SLC38A4: variants seen among roughly 807,000 people sequenced by gnomAD.
The protein encoded by SLC38A4 is sodium-coupled neutral amino acid transporter 4.
SLC38A4 carries 20 observed loss-of-function variants against 63.1 expected under a neutral mutation model. That is an observed-to-expected ratio of 0.32 (90% CI 0.22 to 0.46). The LOEUF is 0.46. SLC38A4 is among the 20% of genes least tolerant of loss of function. The pLI is 1.00. For missense variants in SLC38A4, 526 were observed against 663.6 expected (o/e 0.79, Z 2.28); for synonymous variants, 230 against 225.5 (o/e 1.02, Z -0.18).
upstream of SLC38A4, among the ~76,000 whole-genome samples, chr12:46,827,318 G>T (rs754065829): frequency 6.6e-6 from 1 of 152,070 alleles, no homozygotes; most frequent in African/African-American, 2.4e-5. Context: ...TAATGCTTTG[G>T]GTGGTAGAAG....
chr12:46,815,450 G>T (rs1430983467), intron 1 of SLC38A4, among the ~76,000 whole-genome samples: 1 of 150,284 alleles, frequency 6.7e-6, no homozygotes, highest in East Asian at 2.0e-4. Context: ...TTTTATTTTT[G>T]CACAGAGCAG....
At chr12:46,782,870 T>C (rs1348590489) in intron 7 of SLC38A4, among the ~76,000 whole-genome samples, 2 of 148,940 alleles carry the variant, frequency 1.3e-5, no homozygotes, top group Non-Finnish European at 1.5e-5. Flanking sequence ...TCCATCAGAC[T>C]CCAAAAGCTT....
At position 46,809,081 on chromosome 12, in the gene SLC38A4, A is replaced by G. The variant is rs1939291267; in HGVS notation, c.-304-5287T>C. 3.9e-5 allele frequency among the ~76,000 whole-genome samples: 6 copies of G among 152,106 alleles called. 1 individual carries two copies. In the South Asian group the frequency reaches 1.2e-3, roughly 32 times the overall value. ...CAATTTTGATGCATTTTGATTTTGT[A>G]ATTTCATTAGTGATTGGACTTTGTA... is the stretch of plus-strand genomic sequence containing the variant. On this transcript the variant is annotated intron_variant, in intron 1 of 16. Coordinates refer to ENST00000266579, the MANE Select transcript of SLC38A4 (RefSeq NM_018018.5).
Position 46,766,623 on chromosome 12 carries a change from A to G in SLC38A4, c.*78T>C. 1 of 997,840 alleles carries G rather than the reference A, an allele frequency of 1.0e-6. No homozygotes were observed. Among genetic ancestry groups the G allele is most frequent in the Non-Finnish European group, 1.6e-6 (1 of 642,106 alleles). The allele number at this position is 997,840 out of a possible 1,614,324, so 61.8% of individuals were successfully genotyped here. ...TGTTATTTCCTATGAATAACATTCC[A>G]ATCAAGATAATTCAAATATCTTTTG... On this transcript the variant is annotated 3_prime_UTR_variant, in exon 17 of 17. Transcript: ENST00000266579.
intron 2 of SLC38A4, among the ~76,000 whole-genome samples, chr12:46,799,236 TGTGA>T (rs1361179491): frequency 1.3e-5 from 2 of 152,178 alleles, no homozygotes; most frequent in Non-Finnish European, 2.9e-5. Context: ...TCACAAACAT[TGTGA>T]GTGAGGTAGA....
chr12:46,766,850 A>G, intron 16 of SLC38A4, 48 bp from the exon 17 acceptor site: 1 of 1,350,914 alleles, frequency 7.4e-7, no homozygotes. Flanking sequence ...CATACTTAGT[A>G]CAATTTGTTT....
At position 46,813,050 on chromosome 12, in the gene SLC38A4, C is replaced by A. The variant is rs1454002934; in HGVS notation, c.-304-9256G>T. On this transcript the variant is annotated intron_variant, in intron 1 of 16. Coordinates refer to ENST00000266579, the MANE Select transcript of SLC38A4 (RefSeq NM_018018.5). ...GAGTAATCTTTGAATATCTATTATG[C>A]ACCCAGAATGGTTGACATCAGTGTC... Among the ~76,000 whole-genome samples the A allele has an allele frequency of 3.3e-5, 5 of 151,838 alleles. No homozygotes were observed. The East Asian group carries it at 7.8e-4, about 24-fold the overall frequency.
chr12:46,804,941 C>T (rs1457830493), intron 1 of SLC38A4, among the ~76,000 whole-genome samples: 3 of 151,890 alleles, frequency 2.0e-5, no homozygotes, highest in Non-Finnish European at 4.4e-5. Flanking sequence ...TTTAAGATTT[C>T]TTTCTGTTTG....
In SLC38A4 at chr12:46,765,351, C is replaced by T. The variant is rs111233605; in HGVS notation, c.*1350G>A. The T allele has an allele frequency of 1.4e-5, 3 of 217,510 alleles. No individual in the cohort carries two copies. The highest frequency in any genetic ancestry group is 7.1e-5 in the African/African-American group (3 of 42,066). 13.5% of individuals were successfully genotyped at this position (217,510 alleles called of 1,614,324 possible). Reference sequence around the variant, plus strand: ...ACTTATACTTTTACAGAGAACCACTCAACACTGTATTAAATGGCCAATGAA... The same window carrying T: ...ACTTATACTTTTACAGAGAACCACTTAACACTGTATTAAATGGCCAATGAA... On this transcript the variant is annotated 3_prime_UTR_variant, in exon 17 of 17. Coordinates refer to ENST00000266579, the MANE Select transcript of SLC38A4 (RefSeq NM_018018.5).
At chr12:46,776,048 C>T (rs1938518490) in intron 13 of SLC38A4, among the ~76,000 whole-genome samples, 3 of 152,066 alleles carry the variant, frequency 2.0e-5, no homozygotes, top group Admixed American at 1.3e-4. Context: ...CAAATGGTGG[C>T]CTACTCCTGA....
At chr12:46,826,234 G>T (rs1044238585), upstream of SLC38A4, among the ~76,000 whole-genome samples, 5 of 152,136 alleles carry the variant, frequency 3.3e-5, no homozygotes, top group Admixed American at 6.5e-5. Context: ...CTGCCCTTAG[G>T]AGTATGCAGT....
intron 1 of SLC38A4, among the ~76,000 whole-genome samples, chr12:46,805,908 G>A (rs1939221268): frequency 6.6e-6 from 1 of 151,838 alleles, no homozygotes; most frequent in African/African-American, 2.4e-5. Flanking sequence ...GGGGCTGGGG[G>A]TAAGATACAT....
chr12:46,787,863 C>A, intron 5 of SLC38A4, 53 bp downstream of exon 5: 1 of 1,319,252 alleles, frequency 7.6e-7, no homozygotes, highest in Non-Finnish European at 1.1e-6. Context: ...TTGAAAAAGC[C>A]ACCAGGTATG....
chr12:46,776,400 A>G (rs1319048585), intron 13 of SLC38A4, among the ~76,000 whole-genome samples: 2 of 152,040 alleles, frequency 1.3e-5, no homozygotes, highest in Non-Finnish European at 2.9e-5. Flanking sequence ...TTAGGAAATC[A>G]TTTAGTATAA....
intron 1 of SLC38A4, among the ~76,000 whole-genome samples, chr12:46,814,582 C>T (rs4627160): frequency 0.74 from 113,074 of 151,854 alleles, 42,327 homozygotes; most frequent in African/African-American, 0.81. Flanking sequence ...ACATTTCACT[C>T]ACACTGTACC....
chr12:46,774,525 T>C (rs1357564228), intron 14 of SLC38A4, among the ~76,000 whole-genome samples: 3 of 152,072 alleles, frequency 2.0e-5, no homozygotes, highest in African/African-American at 7.2e-5. Context: ...ATGTGATAGA[T>C]AGCATAACTG....
intron 5 of SLC38A4, among the ~76,000 whole-genome samples, chr12:46,787,266 T>C (rs1938782660): frequency 6.6e-6 from 1 of 152,218 alleles, no homozygotes; most frequent in Admixed American, 6.5e-5. Flanking sequence ...CTAGAGCTTA[T>C]AGTCCAGCAA....
intron 1 of SLC38A4, chr12:46,832,191 G>A (rs1208486624): frequency 6.6e-6 from 1 of 152,072 alleles, no homozygotes; most frequent in Non-Finnish European, 1.5e-5. Flanking sequence ...AGATGATTGA[G>A]AGACCGGGCT....
At chr12:46,806,556 T>C (rs1162446339) in intron 1 of SLC38A4, among the ~76,000 whole-genome samples, 1 of 151,976 alleles carries the variant, frequency 6.6e-6, no homozygotes, top group Non-Finnish European at 1.5e-5. Context: ...AAAATTTAAA[T>C]TGGAACCAAT....
Sources: gnomAD v4.1 joint callset for allele counts (sites outside exome capture counted in the v4.1 genomes callset) on GRCh38, gnomAD v4.1.1 for gene constraint, MANE v1.5 for transcripts, NCBI Gene and HGNC (gene_info 2026-07-23, HGNC 2026-07-21) for gene names.